The following RNF212 variants were observed in gnomAD, a reference collection of about 807,000 sequenced individuals.
The protein encoded by RNF212 is probable E3 SUMO-protein ligase RNF212.
RNF212 carries 33 observed loss-of-function variants against 34.7 expected under a neutral mutation model. That is an observed-to-expected ratio of 0.95 (90% confidence interval 0.72 to 1.27). RNF212 has a LOEUF of 1.27. RNF212 is among the 50% of genes most tolerant of loss of function. The pLI is 0.00. For missense variants in RNF212, 377 were observed against 362.2 expected, an observed-to-expected ratio of 1.04 and a Z score of -0.33; for synonymous variants, 140 against 136.1, an observed-to-expected ratio of 1.03 and a Z score of -0.20.
At chr4:1,076,253 G>A (rs1224101505) in intron 8 of RNF212, among the ~76,000 whole-genome samples, 1 of 152,178 alleles carries the variant, frequency 6.6e-6, no homozygotes, top group Non-Finnish European at 1.5e-5. Context: ...CCAGCAGCCT[G>A]AGGTCCCCAG....
downstream of RNF212, among the ~76,000 whole-genome samples, chr4:1,070,738 T>C (rs1265102223): frequency 1.3e-5 from 2 of 152,252 alleles, no homozygotes; most frequent in Non-Finnish European, 1.5e-5. Context: ...TAAGACTGTG[T>C]TCTTGGTTTT....
At position 1,110,531 on chromosome 4, in the gene RNF212, T is replaced by C. The variant is rs375273481; in HGVS notation, c.110-2127A>G. ...CATAGCAAAACGGCAGAAACTATGT[T>C]ATGGTATGATAGCCAAAAGATGTAT... is the stretch of plus-strand genomic sequence containing the variant. On this transcript the variant is annotated intron_variant, in intron 1 of 9. Transcript: ENST00000433731. Among the ~76,000 whole-genome samples the C allele has an allele frequency of 4.5e-4, 68 of 152,318 alleles. 1 individual carries two copies. In the South Asian group the frequency reaches 0.011, roughly 25 times the overall value.
chr4:1,074,086 T>C (rs1342948033), intron 8 of RNF212, among the ~76,000 whole-genome samples: 4 of 152,210 alleles, frequency 2.6e-5, no homozygotes, highest in Non-Finnish European at 5.9e-5. Flanking sequence ...GAGCTGTGTG[T>C]GCTGGGCCCT....
Position 1,058,307 on chromosome 4 carries a change from C to T in RNF212, n.220+14G>A, listed in dbSNP as rs188299565. 8.7e-4 allele frequency: 782 copies of T among 898,232 alleles called. 53 individuals carry two copies. In the African/African-American group the frequency reaches 0.014, roughly 16 times the overall value. 55.6% of individuals were successfully genotyped at this position (898,232 alleles called of 1,614,324 possible). On this transcript the variant is annotated intron_variant and non_coding_transcript_variant, in intron 4 of 4. Transcript: ENST00000503206. ...TAGAACGCAGTGAAGAAGGTGCTTG[C>T]GGGGGGGCACTACCTGAGAGGCTTT...
chr4:1,108,921 G>A (rs539153786), intron 1 of RNF212, among the ~76,000 whole-genome samples: 1 of 151,790 alleles, frequency 6.6e-6, no homozygotes, highest in East Asian at 1.9e-4. Flanking sequence ...CACTGGGCTC[G>A]AACTCCTGGG....
At chr4:1,068,501 T>G (rs1718236760), downstream of RNF212, among the ~76,000 whole-genome samples, 1 of 152,258 alleles carries the variant, frequency 6.6e-6, no homozygotes, top group African/African-American at 2.4e-5. Flanking sequence ...TCGCTCTTCC[T>G]TTGTGCTTAT....
intron 3 of RNF212, among the ~76,000 whole-genome samples, chr4:1,061,957 C>T (rs747898462): frequency 6.6e-6 from 1 of 152,176 alleles, no homozygotes; most frequent in Non-Finnish European, 1.5e-5. Flanking sequence ...CAGAGGCCCA[C>T]GCTGTGCGGC....
At chr4:1,099,146 C>G in intron 2 of RNF212, among the ~76,000 whole-genome samples, 1 of 152,188 alleles carries the variant, frequency 6.6e-6, no homozygotes, top group East Asian at 1.9e-4. Context: ...ATTCCTCCAC[C>G]CCGGCACTCA....
At chr4:1,074,268 A>G (rs1327447151) in intron 8 of RNF212, among the ~76,000 whole-genome samples, 17 of 152,134 alleles carry the variant, frequency 1.1e-4, no homozygotes, top group Non-Finnish European at 1.9e-4. Flanking sequence ...ACCTGGGGGC[A>G]TGGCAAGGTG....
chr4:1,084,179 G>A (rs897006230), intron 5 of RNF212, among the ~76,000 whole-genome samples: 1 of 152,016 alleles, frequency 6.6e-6, no homozygotes, highest in Admixed American at 6.5e-5. Context: ...TCAAACTCCC[G>A]ACCTCAGGTA....
At chr4:1,060,751 G>C (rs569234513) in intron 3 of RNF212, among the ~76,000 whole-genome samples, 6 of 152,388 alleles carry the variant, frequency 3.9e-5, no homozygotes, top group African/African-American at 1.4e-4. Flanking sequence ...TTCTGGAGGG[G>C]ACCGCGTACT....
intron 1 of RNF212, among the ~76,000 whole-genome samples, chr4:1,112,401 C>T (rs1219219890): frequency 1.3e-5 from 2 of 152,142 alleles, no homozygotes; most frequent in Admixed American, 6.5e-5. Context: ...ACCCAGCTGG[C>T]TGCTTTCACG....
At chr4:1,091,206 C>T (rs941803188) in intron 3 of RNF212, among the ~76,000 whole-genome samples, 15 of 152,138 alleles carry the variant, frequency 9.9e-5, no homozygotes, top group Admixed American at 2.0e-4. Context: ...GAAAGAGAGC[C>T]GGCACACAGA....
chr4:1,083,219 G>A lies in RNF212; in HGVS notation c.363-1600C>T, dbSNP rs73792261. On this transcript the variant is annotated intron_variant, in intron 5 of 9. Transcript: ENST00000433731. ...TTGGATTCCTGAGGATATCAGGTAA[G>A]GAAAATAAAAAGGCTGCCTGTGAAA... 3.5e-3 allele frequency among the ~76,000 whole-genome samples: 526 copies of A among 152,308 alleles called. 5 individuals are homozygous for A. Among genetic ancestry groups the A allele is most frequent in the African/African-American group, 0.012 (508 of 41,562 alleles).
At chr4:1,089,783 C>T (rs1216255671) in intron 4 of RNF212, among the ~76,000 whole-genome samples, 1 of 152,176 alleles carries the variant, frequency 6.6e-6, no homozygotes, top group African/African-American at 2.4e-5. Context: ...GAGTGTTTGG[C>T]AGTTCCCCCT....
chr4:1,076,354 G>A (rs1220091542), intron 8 of RNF212, among the ~76,000 whole-genome samples: 1 of 152,204 alleles, frequency 6.6e-6, no homozygotes, highest in Non-Finnish European at 1.5e-5. Flanking sequence ...ATGGGATGGC[G>A]CTGGCTTTGC....
intron 8 of RNF212, among the ~76,000 whole-genome samples, chr4:1,074,105 C>T (rs1194647657): frequency 6.6e-6 from 1 of 152,054 alleles, no homozygotes; most frequent in African/African-American, 2.4e-5. Flanking sequence ...CTGCTCTGTG[C>T]CCACCCTTCA....
At chr4:1,079,308 A>AGAGTCAACACAGGACCAACATG (rs1719936232) in intron 8 of RNF212, among the ~76,000 whole-genome samples, 1 of 152,220 alleles carries the variant, frequency 6.6e-6, no homozygotes, top group African/African-American at 2.4e-5. Context: ...GGACCAACAT[A>AGAGTCAACACAGGACCAACATG]GATTCAACAC....
At chr4:1,090,879 G>C (rs749603243) in intron 3 of RNF212, 41 bp from the exon 4 acceptor site, 1 of 1,305,982 alleles carries the variant, frequency 7.7e-7, no homozygotes, top group African/African-American at 1.5e-5. Flanking sequence ...ACAGATCCAC[G>C]GTCTCTGTGG....
Sources: gnomAD v4.1 joint callset for allele counts (sites outside exome capture counted in the v4.1 genomes callset) on GRCh38, gnomAD v4.1.1 for gene constraint, MANE v1.5 for transcripts, NCBI Gene and HGNC (gene_info 2026-07-23, HGNC 2026-07-21) for gene names.